The following KLF12 variants were observed in gnomAD, a reference collection of about 807,000 sequenced individuals.
KLF12 encodes Krueppel-like factor 12.
Under a neutral mutation model 37.8 loss-of-function variants are expected in KLF12, and 9 were observed. The observed-to-expected ratio is 0.24, with a 90% CI of 0.14 to 0.42. The LOEUF (loss-of-function observed/expected upper bound fraction) is 0.42. Among genes scored for constraint, KLF12 ranks in the 10% least tolerant of loss-of-function variants. KLF12 has a pLI of 1.00. For synonymous variants in KLF12, 208 were observed against 202.1 expected, an observed-to-expected ratio of 1.03 and a Z score of -0.25; for missense variants, 411 against 516.0, an observed-to-expected ratio of 0.80 and a Z score of 1.97.
intron 3 of KLF12, among the ~76,000 whole-genome samples, chr13:73,896,461 C>CA (rs1047477940): frequency 3.3e-5 from 5 of 152,096 alleles, no homozygotes; most frequent in African/African-American, 1.2e-4. Context: ...AACCCTGCTA[C>CA]AGTGTCAGGG....
chr13:74,087,603 C>T (rs1017325506), intron 1 of KLF12, among the ~76,000 whole-genome samples: 1 of 152,094 alleles, frequency 6.6e-6, no homozygotes, highest in African/African-American at 2.4e-5. Context: ...TCCCTGCTCT[C>T]GAAGAGTTAA....
At chr13:74,187,235 G>A in the KLF12 span, among the ~76,000 whole-genome samples, 8 of 151,820 alleles carry the variant, frequency 5.3e-5, no homozygotes, top group East Asian at 1.5e-3. Flanking sequence ...GAGGTGAGAC[G>A]ATCACTCGAA....
intron 7 of KLF12, among the ~76,000 whole-genome samples, chr13:73,704,878 G>C (rs1874823768): frequency 6.6e-6 from 1 of 152,140 alleles, no homozygotes; most frequent in South Asian, 2.1e-4. Flanking sequence ...TTGATCAAAG[G>C]AGTGAAACTA....
the KLF12 span, among the ~76,000 whole-genome samples, chr13:74,291,841 C>T: frequency 6.6e-6 from 1 of 152,144 alleles, no homozygotes; most frequent in African/African-American, 2.4e-5. Context: ...GCACCCATAC[C>T]TCAAATTCAG....
chr13:74,298,778 A>G, the KLF12 span, among the ~76,000 whole-genome samples: 4 of 152,200 alleles, frequency 2.6e-5, no homozygotes, highest in African/African-American at 7.2e-5. Flanking sequence ...TTAGCTCTGT[A>G]TTTAGCATAT....
chr13:73,812,525 G>A (rs954924226), intron 5 of KLF12, among the ~76,000 whole-genome samples: 8 of 151,162 alleles, frequency 5.3e-5, no homozygotes, highest in African/African-American at 2.0e-4. Context: ...CCTCAATAAA[G>A]CTGAAAAAAT....
intron 7 of KLF12, among the ~76,000 whole-genome samples, chr13:73,708,876 A>G (rs1375649467): frequency 6.6e-6 from 1 of 152,208 alleles, no homozygotes; most frequent in Non-Finnish European, 1.5e-5. Context: ...GTGAATATGC[A>G]TATTTATTTA....
chr13:73,936,445 T>C (rs573371007), intron 3 of KLF12, among the ~76,000 whole-genome samples: 10 of 152,284 alleles, frequency 6.6e-5, no homozygotes, highest in Admixed American at 3.9e-4. Flanking sequence ...GCTCCAAGAA[T>C]TGTTCAACCT....
intron 1 of KLF12, among the ~76,000 whole-genome samples, chr13:74,089,209 A>G (rs1172483019): frequency 1.3e-5 from 2 of 152,208 alleles, no homozygotes; most frequent in Non-Finnish European, 2.9e-5. Flanking sequence ...AGAGTCAAGG[A>G]AAACTTCCAC....
intron 5 of KLF12, among the ~76,000 whole-genome samples, chr13:73,780,052 C>T (rs1205298543): frequency 6.6e-6 from 1 of 152,142 alleles, no homozygotes; most frequent in Non-Finnish European, 1.5e-5. Context: ...GAGGAAGTAA[C>T]TGTAGATGTG....
At chr13:73,778,394 C>T (rs968253159) in intron 5 of KLF12, among the ~76,000 whole-genome samples, 6 of 152,060 alleles carry the variant, frequency 3.9e-5, no homozygotes, top group Non-Finnish European at 8.8e-5. Context: ...GTATGACTCC[C>T]CGGTCATAGA....
chr13:74,091,714 A>G (rs1875673160), intron 1 of KLF12, among the ~76,000 whole-genome samples: 1 of 152,054 alleles, frequency 6.6e-6, no homozygotes, highest in African/African-American at 2.4e-5. Context: ...GTAAAAAAAA[A>G]CCTCTGTATG....
intron 1 of KLF12, among the ~76,000 whole-genome samples, chr13:74,027,921 T>A (rs1480433972): frequency 6.6e-6 from 1 of 152,178 alleles, no homozygotes; most frequent in Non-Finnish European, 1.5e-5. Context: ...TCATCACGAT[T>A]ACCCACTTTA....
At chr13:74,020,616 C>T (rs544796712) in intron 1 of KLF12, among the ~76,000 whole-genome samples, 5 of 152,164 alleles carry the variant, frequency 3.3e-5, no homozygotes, top group African/African-American at 4.8e-5. Context: ...GAAGGCTGGG[C>T]GCAGTGGCTC....
the KLF12 span, among the ~76,000 whole-genome samples, chr13:74,218,567 T>C: frequency 4.6e-5 from 7 of 152,308 alleles, no homozygotes; most frequent in South Asian, 4.1e-4. Flanking sequence ...ATCCAAGCAA[T>C]GTCTCTTGCC....
At chr13:73,792,814 T>G (rs1244884356) in intron 5 of KLF12, among the ~76,000 whole-genome samples, 7 of 152,196 alleles carry the variant, frequency 4.6e-5, no homozygotes, top group African/African-American at 1.7e-4. Context: ...CTAATGAAAG[T>G]TTATATTTTT....
At chr13:74,218,485 G>A in the KLF12 span, among the ~76,000 whole-genome samples, 9 of 152,082 alleles carry the variant, frequency 5.9e-5, no homozygotes, top group African/African-American at 2.2e-4. Context: ...AACTGCCCCC[G>A]CTCCGCACCC....
the KLF12 span, among the ~76,000 whole-genome samples, chr13:74,191,879 GTCT>G: frequency 1.4e-3 from 218 of 152,120 alleles, no homozygotes; most frequent in African/African-American, 5.1e-3. Context: ...CACTAGCTCT[GTCT>G]TAAAAACAGA....
chr13:74,260,628 T>TAAAATAAAATAAAATAAAATAAAATAAA, the KLF12 span, among the ~76,000 whole-genome samples: 1 of 139,992 alleles, frequency 7.1e-6, no homozygotes, highest in African/African-American at 2.7e-5. Context: ...TAAAATAAAA[T>TAAAATAAAATAAAATAAAATAAAATAAA]AGTGAATTAA....
Sources: gnomAD v4.1 joint callset for allele counts (sites outside exome capture counted in the v4.1 genomes callset) on GRCh38, gnomAD v4.1.1 for gene constraint, MANE v1.5 for transcripts, NCBI Gene and HGNC (gene_info 2026-07-23, HGNC 2026-07-21) for gene names.